MAP2: variants seen among roughly 807,000 people sequenced by gnomAD.
The protein encoded by MAP2 is microtubule-associated protein 2.
Under a neutral mutation model 137.6 loss-of-function variants are expected in MAP2, and 14 were observed. The observed-to-expected ratio is 0.10, with a 90% CI of 0.07 to 0.16. MAP2 has a LOEUF of 0.16. MAP2 is among the 10% of genes least tolerant of loss of function. The pLI is 1.00. For missense variants in MAP2, 2,088 were observed against 2,191.5 expected, an observed-to-expected ratio of 0.95 and a Z score of 0.94; for synonymous variants, 786 against 782.3, an observed-to-expected ratio of 1.00 and a Z score of -0.08.
At chr2:209,573,516 A>G (rs1419872723) in intron 2 of MAP2, among the ~76,000 whole-genome samples, 2 of 149,466 alleles carry the variant, frequency 1.3e-5, no homozygotes, top group Admixed American at 6.7e-5. Context: ...CTGGTTTCGA[A>G]CTCCTGACCT....
intron 1 of MAP2, among the ~76,000 whole-genome samples, chr2:209,437,528 T>C (rs1016254869): frequency 1.3e-5 from 2 of 151,588 alleles, no homozygotes; most frequent in Admixed American, 6.6e-5. Context: ...TAGGTAGATA[T>C]TGTGGATACA....
At chr2:209,494,239 C>T (rs2059468878) in intron 1 of MAP2, among the ~76,000 whole-genome samples, 1 of 152,010 alleles carries the variant, frequency 6.6e-6, no homozygotes, top group African/African-American at 2.4e-5. Context: ...ACAATGAGAA[C>T]ATGGGCACAG....
rs561716937 is a variant in MAP2, at chr2:209,646,574, G to T, written c.-29-6568G>T. On this transcript the variant is annotated intron_variant, in intron 4 of 15. Transcript: ENST00000682079. ...AATTGTTGATGTTCCAGTCAATACT[G>T]TAGAAATCTGATAAATAACAGCAGT... Among the ~76,000 whole-genome samples, 7 of 152,282 alleles carry T rather than the reference G, an allele frequency of 4.6e-5. No individual in the cohort carries two copies. The South Asian group carries it at 1.2e-3, about 27-fold the overall frequency.
At chr2:209,478,958 G>C (rs1708068328) in intron 1 of MAP2, among the ~76,000 whole-genome samples, 1 of 152,176 alleles carries the variant, frequency 6.6e-6, no homozygotes, top group South Asian at 2.1e-4. Context: ...CATTTACCCA[G>C]TCACACAGTT....
intron 1 of MAP2, among the ~76,000 whole-genome samples, chr2:209,464,306 T>A (rs11896384): frequency 0.067 from 10,198 of 152,150 alleles, 437 homozygotes; most frequent in African/African-American, 0.11. Context: ...AATAATATAG[T>A]TTATATTAGG....
At chr2:209,662,473 AGTTT>A in intron 5 of MAP2, among the ~76,000 whole-genome samples, 1 of 152,126 alleles carries the variant, frequency 6.6e-6, no homozygotes, top group African/African-American at 2.4e-5. Context: ...TATTCTTTCT[AGTTT>A]GTTTTTAAGT....
At chr2:209,530,734 A>C (rs1421555826) in intron 2 of MAP2, among the ~76,000 whole-genome samples, 1 of 152,192 alleles carries the variant, frequency 6.6e-6, no homozygotes, top group Non-Finnish European at 1.5e-5. Context: ...CTTTATAAGC[A>C]TCCAGTAATA....
intron 2 of MAP2, among the ~76,000 whole-genome samples, chr2:209,521,620 A>G (rs1172682722): frequency 5.9e-5 from 9 of 152,010 alleles, no homozygotes; most frequent in Admixed American, 5.9e-4. Flanking sequence ...CTTTTCAGAG[A>G]AAGAACAGTT....
chr2:209,726,586 CT>C (rs2074113446), intron 14 of MAP2, among the ~76,000 whole-genome samples: 1 of 152,104 alleles, frequency 6.6e-6, no homozygotes, highest in Non-Finnish European at 1.5e-5. Context: ...AGGGAAACCC[CT>C]GTCTCAATAA....
chr2:209,657,898 G>C (rs1229519332), intron 5 of MAP2, among the ~76,000 whole-genome samples: 1 of 152,088 alleles, frequency 6.6e-6, no homozygotes, highest in Non-Finnish European at 1.5e-5. Flanking sequence ...TATAGCTTGA[G>C]GTCTCACTTT....
intron 15 of MAP2, 26 bp downstream of exon 15, chr2:209,729,988 C>G: frequency 7.2e-7 from 1 of 1,384,706 alleles, no homozygotes; most frequent in Non-Finnish European, 9.7e-7. Context: ...ATGAGCCAAT[C>G]TTGTCTTTTT....
At chr2:209,519,460 C>A (rs935465376) in intron 2 of MAP2, among the ~76,000 whole-genome samples, 1 of 151,970 alleles carries the variant, frequency 6.6e-6, no homozygotes, top group African/African-American at 2.4e-5. Flanking sequence ...AGGCTCCTAC[C>A]CTCCCATAGG....
At chr2:209,532,515 G>T (rs1456600555) in intron 2 of MAP2, among the ~76,000 whole-genome samples, 1 of 152,078 alleles carries the variant, frequency 6.6e-6, no homozygotes, top group Non-Finnish European at 1.5e-5. Flanking sequence ...TTTCCCCAGG[G>T]TCTCATAGCT....
chr2:209,493,310 C>G (rs1576227603), intron 1 of MAP2, among the ~76,000 whole-genome samples: 1 of 152,228 alleles, frequency 6.6e-6, no homozygotes, highest in East Asian at 1.9e-4. Context: ...AACATAATAC[C>G]TAAAACCATA....
chr2:209,560,386 T>C (rs1346426503), intron 2 of MAP2, among the ~76,000 whole-genome samples: 1 of 152,216 alleles, frequency 6.6e-6, no homozygotes, highest in Non-Finnish European at 1.5e-5. Context: ...TATAAGATTT[T>C]TTAAAATTGC....
At chr2:209,542,117 A>G (rs1282404515) in intron 2 of MAP2, among the ~76,000 whole-genome samples, 1 of 152,236 alleles carries the variant, frequency 6.6e-6, no homozygotes, top group Non-Finnish European at 1.5e-5. Context: ...GGGCTGCAAA[A>G]TGCATGTTGT....
chr2:209,453,109 T>A (rs1378320300), intron 1 of MAP2, among the ~76,000 whole-genome samples: 1 of 152,178 alleles, frequency 6.6e-6, no homozygotes, highest in African/African-American at 2.4e-5. Flanking sequence ...TTCTGTGGCT[T>A]ATACGAAAAC....
At chr2:209,662,024 T>G (rs1485185190) in intron 5 of MAP2, among the ~76,000 whole-genome samples, 1 of 152,186 alleles carries the variant, frequency 6.6e-6, no homozygotes, top group East Asian at 1.9e-4. Context: ...TAAGGTAGGA[T>G]GAGATTTTCT....
intron 2 of MAP2, among the ~76,000 whole-genome samples, chr2:209,522,344 A>G (rs1194301889): frequency 2.6e-5 from 4 of 152,164 alleles, no homozygotes; most frequent in Non-Finnish European, 5.9e-5. Flanking sequence ...TCTAAAAACT[A>G]GAGTATCATA....
Sources: allele counts gnomAD v4.1 joint callset (sites outside exome capture counted in the v4.1 genomes callset), GRCh38; gene constraint gnomAD v4.1.1; transcripts MANE v1.5; gene names NCBI Gene and HGNC (gene_info 2026-07-23, HGNC 2026-07-21).